The following HECW1 variants were observed in gnomAD, a reference collection of about 807,000 sequenced individuals.
HECW1 encodes HECT, C2 and WW domain containing E3 ubiquitin protein ligase 1, also known as E3 ubiquitin-protein ligase HECW1.
Under a neutral mutation model 182.3 loss-of-function variants are expected in HECW1, and 61 were observed. That is an observed-to-expected ratio of 0.33 (90% CI 0.27 to 0.41). The LOEUF is 0.41. Ranked by LOEUF, HECW1 falls within the 10% of genes least tolerant of loss-of-function variation. The pLI, the probability that HECW1 is intolerant of heterozygous loss-of-function variation, is 1.00. For synonymous variants in HECW1, 859 were observed against 832.6 expected (o/e 1.03, Z -0.55); for missense variants, 1,739 against 2,108.9 (o/e 0.82, Z 3.44).
chr7:43,300,101 A>ACGG (rs1340495119), intron 3 of HECW1, among the ~76,000 whole-genome samples: 24 of 152,332 alleles, frequency 1.6e-4, no homozygotes, highest in African/African-American at 5.8e-4. Context: ...TGAGAGCTTG[A>ACGG]CGGAGGTGCT....
Position 43,336,132 on chromosome 7 carries a change from C to T in HECW1, c.460+15390C>T, listed in dbSNP as rs866592752. On this transcript the variant is annotated intron_variant, in intron 5 of 29. Coordinates refer to ENST00000395891, the MANE Select transcript of HECW1 (RefSeq NM_015052.5). Reference sequence around the variant, plus strand: ...TTTCTTTCTTTCTTTCTTTCTCTCTCTCTCTCTCTCTTTCTCTCTCTCTCT... The same window carrying T: ...TTTCTTTCTTTCTTTCTTTCTCTCTTTCTCTCTCTCTTTCTCTCTCTCTCT... 8.8e-3 allele frequency among the ~76,000 whole-genome samples: 839 copies of T among 95,294 alleles called. 13 individuals carry two copies. Among genetic ancestry groups the T allele is most frequent in the African/African-American group, 0.032 (648 of 20,556 alleles). The allele number at this position is 95,294 out of a possible 152,430, so 62.5% of individuals were successfully genotyped here. A position where few individuals can be genotyped will look rare whatever the true frequency, so the allele number is the denominator to read the frequency against.
intron 3 of HECW1, among the ~76,000 whole-genome samples, chr7:43,251,838 GTTTA>G (rs1400829469): frequency 2.0e-5 from 3 of 152,184 alleles, no homozygotes; most frequent in Admixed American, 1.3e-4. Flanking sequence ...TCCAGTTACT[GTTTA>G]TTTATTTCCA....
At chr7:43,179,160 T>C (rs1033199534) in intron 2 of HECW1, among the ~76,000 whole-genome samples, 2 of 152,236 alleles carry the variant, frequency 1.3e-5, no homozygotes, top group Non-Finnish European at 2.9e-5. Flanking sequence ...AGGTTCTTGC[T>C]TTCCGCAGAA....
intron 2 of HECW1, among the ~76,000 whole-genome samples, chr7:43,134,336 G>A (rs1787284783): frequency 7.1e-6 from 1 of 141,542 alleles, no homozygotes; most frequent in East Asian, 2.2e-4. Context: ...AGAGGTTGCA[G>A]TGAGCCGAGA....
At chr7:43,177,304 G>A (rs965181964) in intron 2 of HECW1, among the ~76,000 whole-genome samples, 5 of 152,082 alleles carry the variant, frequency 3.3e-5, no homozygotes, top group African/African-American at 1.2e-4. Context: ...TCTGATCATT[G>A]GTGGTGGGGC....
rs1784730659 is a variant in HECW1, at chr7:43,112,932, G to A, written c.-272G>A. On this transcript the variant is annotated 5_prime_UTR_variant, in exon 1 of 30. Coordinates refer to ENST00000395891, the MANE Select transcript of HECW1 (RefSeq NM_015052.5). ...CATGATCTGTGCCCAGGCCAGGGCT[G>A]CCAAGGTAAGCGGGCGTAGCGCGGG... 2 of 214,628 alleles carry A rather than the reference G, an allele frequency of 9.3e-6. No homozygotes were observed. Among genetic ancestry groups the A allele is most frequent in the East Asian group, 6.7e-5 (1 of 14,838 alleles). 13.3% of individuals were successfully genotyped at this position (214,628 alleles called of 1,614,324 possible).
At chr7:43,524,883 G>A (rs1315655549) in intron 24 of HECW1, among the ~76,000 whole-genome samples, 1 of 152,202 alleles carries the variant, frequency 6.6e-6, no homozygotes, top group Non-Finnish European at 1.5e-5. Context: ...CTGTAGAGGG[G>A]CATGAAATGC....
chr7:43,346,403 G>A (rs541484246), intron 5 of HECW1, among the ~76,000 whole-genome samples: 86 of 152,252 alleles, frequency 5.6e-4, no homozygotes, highest in African/African-American at 2.1e-3. Flanking sequence ...TCCTTTGTCA[G>A]ATGTATAGAT....
At chr7:43,288,945 G>A (rs1269357280) in intron 3 of HECW1, among the ~76,000 whole-genome samples, 6 of 152,042 alleles carry the variant, frequency 3.9e-5, no homozygotes, top group South Asian at 4.1e-4. Flanking sequence ...ATCCAGGTGC[G>A]CTATACGCAG....
chr7:43,461,449 G>GAACC (rs2077579102), intron 13 of HECW1, among the ~76,000 whole-genome samples: 1 of 152,200 alleles, frequency 6.6e-6, no homozygotes, highest in Non-Finnish European at 1.5e-5. Flanking sequence ...AAATATCGTT[G>GAACC]AACCATTTTG....
chr7:43,324,366 T>G (rs560840522), intron 5 of HECW1, among the ~76,000 whole-genome samples: 1 of 152,360 alleles, frequency 6.6e-6, no homozygotes, highest in African/African-American at 2.4e-5. Flanking sequence ...GATGCTATAA[T>G]GAATTATAGC....
At chr7:43,288,442 C>A (rs1321181960) in intron 3 of HECW1, among the ~76,000 whole-genome samples, 2 of 152,160 alleles carry the variant, frequency 1.3e-5, no homozygotes, top group Non-Finnish European at 2.9e-5. Flanking sequence ...AAGTTGAACA[C>A]CCTCCTTAAA....
chr7:43,446,939 T>C (rs530443830), intron 11 of HECW1, among the ~76,000 whole-genome samples: 2 of 152,278 alleles, frequency 1.3e-5, no homozygotes, highest in African/African-American at 4.8e-5. Flanking sequence ...CGCAGGAAGA[T>C]GGAGTGGCAT....
At chr7:43,386,022 A>G (rs2074780248) in intron 6 of HECW1, among the ~76,000 whole-genome samples, 1 of 152,212 alleles carries the variant, frequency 6.6e-6, no homozygotes, top group Non-Finnish European at 1.5e-5. Context: ...TGGTTAGGAC[A>G]GAAGTGCCTG....
chr7:43,228,328 C>CAA (rs549457929), intron 2 of HECW1, among the ~76,000 whole-genome samples: 1 of 131,570 alleles, frequency 7.6e-6, no homozygotes, highest in African/African-American at 2.8e-5. Flanking sequence ...TCTACAAAAT[C>CAA]AAAAAAAAAA....
chr7:43,408,771 CA>C (rs1386211312), intron 8 of HECW1, among the ~76,000 whole-genome samples: 3 of 152,120 alleles, frequency 2.0e-5, no homozygotes, highest in African/African-American at 7.2e-5. Flanking sequence ...ACCTCCAAAC[CA>C]TGTGACTGAG....
In HECW1 at chr7:43,500,755, G is replaced by A; in HGVS notation, c.3494G>A (p.Cys1165Tyr). ...EGNHGLEKLS[C>Y]DADLVILLSL... The stretch of plus-strand genomic sequence containing the variant: ...AATCACGGGCTTGAGAAGTTGTCCT[G>A]TGATGCGGATCTGGTCATTTTGCTG... Residue 1165 changes from cysteine to tyrosine, a missense_variant, in exon 20 of 30, where the codon TGT becomes TAT. Transcript: ENST00000395891. 6.2e-7 allele frequency: 1 copy of A among 1,613,840 alleles called. No individual in the cohort carries two copies. The highest frequency in any genetic ancestry group is 1.1e-5 in the South Asian group (1 of 91,080).
chr7:43,392,114 G>C (rs2075052790), intron 6 of HECW1, among the ~76,000 whole-genome samples: 1 of 152,094 alleles, frequency 6.6e-6, no homozygotes, highest in Non-Finnish European at 1.5e-5. Flanking sequence ...TTATTATGGA[G>C]CCTTATACTT....
chr7:43,270,196 T>A (rs1802239373), intron 3 of HECW1, among the ~76,000 whole-genome samples: 1 of 152,242 alleles, frequency 6.6e-6, no homozygotes, highest in African/African-American at 2.4e-5. Context: ...TAATAGTCTC[T>A]CGTGGTTTCT....
Sources: allele counts gnomAD v4.1 joint callset (sites outside exome capture counted in the v4.1 genomes callset), GRCh38; gene constraint gnomAD v4.1.1; transcripts MANE v1.5; gene names NCBI Gene and HGNC (gene_info 2026-07-23, HGNC 2026-07-21).